Variants in ABCC4 observed in about 807,000 individuals in gnomAD.
ABCC4 encodes ATP binding cassette subfamily C member 4 (PEL blood group), also known as ATP-binding cassette sub-family C member 4.
In ABCC4, 102 loss-of-function variants were observed where a neutral mutation model predicts 168.5. That is an observed-to-expected ratio of 0.61 (90% CI 0.52 to 0.71). The LOEUF (loss-of-function observed/expected upper bound fraction) is 0.71, where lower values mean the gene tolerates loss of function less well. ABCC4 is among the 30% of genes least tolerant of loss of function. The pLI, the probability that ABCC4 is intolerant of heterozygous loss-of-function variation, is 0.00. For synonymous variants in ABCC4, 617 were observed against 590.7 expected (o/e 1.04, Z -0.65); for missense variants, 1,402 against 1,605.8 (o/e 0.87, Z 2.17).
intron 23 of ABCC4, 29 bp from the exon 24 acceptor site, chr13:95,073,333 T>G (rs2033794663): frequency 5.1e-6 from 8 of 1,571,620 alleles, no homozygotes; most frequent in Non-Finnish European, 6.1e-6. Flanking sequence ...GGGAATAAAG[T>G]CAGTCTCACT....
At chr13:95,057,152 C>T (rs1024577972) in intron 26 of ABCC4, among the ~76,000 whole-genome samples, 2 of 152,164 alleles carry the variant, frequency 1.3e-5, no homozygotes, top group African/African-American at 4.8e-5. Flanking sequence ...GCTAACTATT[C>T]TGTTTAGGGA....
chr13:95,171,617 A>G (rs1174631824), intron 13 of ABCC4, among the ~76,000 whole-genome samples: 1 of 152,166 alleles, frequency 6.6e-6, no homozygotes, highest in Admixed American at 6.5e-5. Flanking sequence ...ATCTGTAACA[A>G]GGGCCAAGAA....
At chr13:95,115,304 A>AG (rs918134846) in intron 20 of ABCC4, among the ~76,000 whole-genome samples, 3 of 150,594 alleles carry the variant, frequency 2.0e-5, no homozygotes, top group Non-Finnish European at 2.9e-5. Flanking sequence ...CTTAAGACTT[A>AG]GAGCAATCAA....
chr13:95,106,039 G>C (rs910905022), intron 20 of ABCC4, among the ~76,000 whole-genome samples: 1 of 152,152 alleles, frequency 6.6e-6, no homozygotes, highest in African/African-American at 2.4e-5. Flanking sequence ...AGAGATGCAT[G>C]TGCACACATC....
intron 1 of ABCC4, among the ~76,000 whole-genome samples, chr13:95,280,572 TAAAAAAA>T (rs61654581): frequency 7.6e-6 from 1 of 131,032 alleles, no homozygotes; most frequent in Admixed American, 7.8e-5. Flanking sequence ...TGCCTTCTAT[TAAAAAAA>T]AAAAAAAAAA....
chr13:95,254,653 G>T (rs2040350411), intron 1 of ABCC4, among the ~76,000 whole-genome samples: 1 of 152,112 alleles, frequency 6.6e-6, no homozygotes, highest in Admixed American at 6.6e-5. Flanking sequence ...CTCTTTGATA[G>T]GACACATCTA....
intron 20 of ABCC4, among the ~76,000 whole-genome samples, chr13:95,096,668 A>C (rs1301715075): frequency 6.6e-6 from 1 of 152,128 alleles, no homozygotes; most frequent in African/African-American, 2.4e-5. Flanking sequence ...TGCCAAAAAA[A>C]GGAAAAAAAA....
intron 1 of ABCC4, among the ~76,000 whole-genome samples, chr13:95,294,423 C>T (rs1039560595): frequency 6.6e-6 from 1 of 152,116 alleles, no homozygotes; most frequent in African/African-American, 2.4e-5. Context: ...CCTTTTGGGC[C>T]ATCTAGGGTG....
intron 3 of ABCC4, among the ~76,000 whole-genome samples, chr13:95,240,369 T>TA (rs1219741200): frequency 6.6e-6 from 1 of 151,956 alleles, no homozygotes; most frequent in Non-Finnish European, 1.5e-5. Context: ...CCATCTCTAC[T>TA]AAAAATACAA....
At chr13:95,151,281 G>C (rs965499919) in intron 19 of ABCC4, among the ~76,000 whole-genome samples, 1 of 152,030 alleles carries the variant, frequency 6.6e-6, no homozygotes, top group Non-Finnish European at 1.5e-5. Context: ...TTCAATACCA[G>C]TCTGGCCAAC....
At chr13:95,286,905 G>C (rs1395064656) in intron 1 of ABCC4, among the ~76,000 whole-genome samples, 3 of 145,828 alleles carry the variant, frequency 2.1e-5, no homozygotes, top group Non-Finnish European at 4.5e-5. Context: ...GCAGTGAGCT[G>C]AGTCCATGCC....
At chr13:95,228,269 A>G (rs1276919535) in intron 4 of ABCC4, among the ~76,000 whole-genome samples, 1 of 152,062 alleles carries the variant, frequency 6.6e-6, no homozygotes, top group Non-Finnish European at 1.5e-5. Context: ...CCATCAGCGC[A>G]TGACGGTGCA....
chr13:95,041,275 C>T (rs1222144156), intron 29 of ABCC4, among the ~76,000 whole-genome samples: 2 of 152,212 alleles, frequency 1.3e-5, no homozygotes, highest in Non-Finnish European at 2.9e-5. Context: ...AAGCTTAACA[C>T]ATTGATGGCG....
At chr13:95,166,426 A>G in intron 14 of ABCC4, 59 bp from the exon 15 acceptor site, 2 of 1,394,466 alleles carry the variant, frequency 1.4e-6, no homozygotes, top group Non-Finnish European at 2.0e-6. Flanking sequence ...TGTTAACCTA[A>G]TCTAATTCTA....
intron 19 of ABCC4, among the ~76,000 whole-genome samples, chr13:95,127,164 C>T (rs1257730205): frequency 6.6e-6 from 1 of 152,090 alleles, no homozygotes; most frequent in African/African-American, 2.4e-5. Flanking sequence ...CCAGTCATTT[C>T]TAAACGCAGC....
In ABCC4 at chr13:95,044,279, T is replaced by G; in HGVS notation, c.3616A>C (p.Asn1206His). ...TCAGCTTTATACCTTGGATCCACAT[T>G]TGCCGTCGCTTCATCAATAATCAAT... is the stretch of plus-strand genomic sequence containing the variant. Reference protein sequence around the residue: ...QILIIDEATANVDPRTDELIQ... With the variant: ...QILIIDEATAHVDPRTDELIQ... The change falls in exon 28 of 31, where the codon AAT becomes CAT. Residue 1206 changes from asparagine to histidine, a missense_variant. Around this residue, in one of 3 missense-constraint regions of ABCC4, gnomAD observed 1,007 missense variants for 1,127.3 expected, o/e 0.89. Transcript: ENST00000645237. 1 of 1,612,072 alleles carries G rather than the reference T, an allele frequency of 6.2e-7. No individual in the cohort carries two copies.
intron 20 of ABCC4, among the ~76,000 whole-genome samples, chr13:95,098,241 A>G (rs2034678838): frequency 6.6e-6 from 1 of 152,140 alleles, no homozygotes; most frequent in Non-Finnish European, 1.5e-5. Context: ...TAGAGGAAGT[A>G]TAACTTTAAA....
intron 15 of ABCC4, among the ~76,000 whole-genome samples, chr13:95,165,953 C>T (rs2037256987): frequency 2.0e-5 from 3 of 152,152 alleles, no homozygotes; most frequent in Admixed American, 6.5e-5. Flanking sequence ...CTTGACATTC[C>T]CCAGCCTACA....
chr13:95,250,636 A>G (rs573198441), intron 1 of ABCC4, among the ~76,000 whole-genome samples: 31 of 152,174 alleles, frequency 2.0e-4, no homozygotes, highest in African/African-American at 7.0e-4. Flanking sequence ...CATCATTTCC[A>G]GCAAGCAGGA....
Sources: gnomAD v4.1 joint callset for allele counts (sites outside exome capture counted in the v4.1 genomes callset) on GRCh38, gnomAD v4.1.1 for gene constraint, gnomAD v4.1.1 regional missense constraint, MANE v1.5 for transcripts, NCBI Gene and HGNC (gene_info 2026-07-23, HGNC 2026-07-21) for gene names.